Variants in SNX8 observed in about 807,000 individuals in gnomAD.
SNX8 encodes the protein sorting nexin-8.
Under a neutral mutation model 51.6 loss-of-function variants are expected in SNX8, and 25 were observed. The observed-to-expected ratio is 0.48, with a 90% CI of 0.35 to 0.68. The LOEUF (loss-of-function observed/expected upper bound fraction) is 0.68. SNX8 is among the 30% of genes least tolerant of loss of function. The pLI is 0.00. For synonymous variants in SNX8, 324 were observed against 277.0 expected, an observed-to-expected ratio of 1.17 and a Z score of -1.68; for missense variants, 695 against 624.0, an observed-to-expected ratio of 1.11 and a Z score of -1.21.
intron 2 of SNX8, among the ~76,000 whole-genome samples, chr7:2,277,564 G>T (rs530995799): frequency 2.0e-5 from 3 of 152,274 alleles, no homozygotes; most frequent in Admixed American, 6.5e-5. Flanking sequence ...ACTTTGGGAG[G>T]CCGAGGCGGG....
chr7:2,349,347 T>G (rs1001576801), intron 1 of SNX8, among the ~76,000 whole-genome samples: 1 of 152,146 alleles, frequency 6.6e-6, no homozygotes, highest in Non-Finnish European at 1.5e-5. Flanking sequence ...TCACCACCAC[T>G]ATCTCCCAAA....
chr7:2,264,532 C>T (rs1310092666), intron 5 of SNX8, 74 bp from the exon 6 acceptor site: 24 of 1,493,932 alleles, frequency 1.6e-5, no homozygotes, highest in Non-Finnish European at 2.7e-6. Flanking sequence ...CAGCCGGTCC[C>T]CCAGAAGCTG....
rs756467268 is a variant in SNX8, at chr7:2,278,054, CT to C, written c.300+45del. ...TGCCCTGAGATGTTGAGACGTGACC[CT>C]TTCTTCCCCCTCCTGCCCCGACACA... On this transcript the variant is annotated intron_variant, in intron 2 of 10. Coordinates refer to ENST00000222990, the MANE Select transcript of SNX8 (RefSeq NM_013321.4). 2.1e-5 allele frequency: 33 copies of C among 1,591,930 alleles called. No individual in the cohort carries two copies. The African/African-American group carries it at 4.2e-4, about 20-fold the overall frequency.
intron 1 of SNX8, among the ~76,000 whole-genome samples, chr7:2,290,655 C>T (rs1309306777): frequency 1.3e-5 from 2 of 152,212 alleles, no homozygotes; most frequent in Non-Finnish European, 2.9e-5. Flanking sequence ...CGAGGCAGGG[C>T]AACAGCCGCA....
At chr7:2,341,921 G>A (rs775114241) in intron 1 of SNX8, among the ~76,000 whole-genome samples, 14 of 151,624 alleles carry the variant, frequency 9.2e-5, no homozygotes, top group Admixed American at 3.3e-4. Flanking sequence ...TGCAGTGAGC[G>A]GAGATCGCAC....
chr7:2,285,026 C>T (rs992407662), intron 1 of SNX8, among the ~76,000 whole-genome samples: 2 of 151,922 alleles, frequency 1.3e-5, no homozygotes, highest in Non-Finnish European at 2.9e-5. Flanking sequence ...TCCTGGCTAA[C>T]ACGATGAAAC....
intron 2 of SNX8, among the ~76,000 whole-genome samples, chr7:2,275,494 G>A (rs1795757520): frequency 6.6e-6 from 1 of 151,754 alleles, no homozygotes; most frequent in Non-Finnish European, 1.5e-5. Context: ...GAGGTCAGGA[G>A]TTAAAGAGAC....
chr7:2,302,434 T>C (rs13238765), intron 1 of SNX8, among the ~76,000 whole-genome samples: 46,415 of 151,938 alleles, frequency 0.31, 8,815 homozygotes, highest in East Asian at 0.59. Context: ...AGTGCAGTGG[T>C]GTGATCTCGG....
At chr7:2,286,315 G>A (rs1285533489) in intron 1 of SNX8, among the ~76,000 whole-genome samples, 1 of 151,458 alleles carries the variant, frequency 6.6e-6, no homozygotes, top group Non-Finnish European at 1.5e-5. Flanking sequence ...CCCAGCCTAG[G>A]TCGTATACTT....
chr7:2,348,542 C>T (rs1490658099), intron 1 of SNX8, among the ~76,000 whole-genome samples: 2 of 151,600 alleles, frequency 1.3e-5, no homozygotes, highest in Non-Finnish European at 2.9e-5. Context: ...GGGGTTTCAC[C>T]GTGTTAGCCA....
intron 1 of SNX8, among the ~76,000 whole-genome samples, chr7:2,291,069 G>A (rs1651420068): frequency 6.6e-6 from 1 of 152,122 alleles, no homozygotes; most frequent in African/African-American, 2.4e-5. Context: ...TGAGGCTGGA[G>A]AGGATCACTT....
chr7:2,309,971 G>T lies in SNX8; in HGVS notation c.94+4357C>A, dbSNP rs752977667. ...CTCAAGGAGTCATCGCCAGGTCAACGCGGACAAACAGCACGGAGCTTCCGA... is the reference window on the plus strand; with the variant it reads ...CTCAAGGAGTCATCGCCAGGTCAACTCGGACAAACAGCACGGAGCTTCCGA... On this transcript the variant is annotated intron_variant, in intron 1 of 10. Coordinates refer to ENST00000222990, the MANE Select transcript of SNX8 (RefSeq NM_013321.4). The T allele has an allele frequency of 6.9e-4, 300 of 436,138 alleles. 3 individuals are homozygous for T. The highest frequency in any genetic ancestry group is 3.2e-4 in the Non-Finnish European group (68 of 212,940). The allele number at this position is 436,138 out of a possible 1,614,324, so 27.0% of individuals were successfully genotyped here. A position where few individuals can be genotyped will look rare whatever the true frequency, so the allele number is the denominator to read the frequency against.
intron 1 of SNX8, among the ~76,000 whole-genome samples, chr7:2,284,196 CTGGGA>C (rs1436906000): frequency 6.6e-6 from 1 of 152,092 alleles, no homozygotes; most frequent in Non-Finnish European, 1.5e-5. Flanking sequence ...TCCTATAGTG[CTGGGA>C]TGACAGGCGT....
intron 1 of SNX8, among the ~76,000 whole-genome samples, chr7:2,349,014 AT>A (rs1274114666): frequency 6.6e-6 from 1 of 150,880 alleles, no homozygotes; most frequent in African/African-American, 2.4e-5. Context: ...CAACCAAAAA[AT>A]CATGACTTTC....
upstream of SNX8, chr7:2,314,508 G>A (rs1170913575): frequency 4.8e-5 from 51 of 1,053,798 alleles, no homozygotes; most frequent in Non-Finnish European, 5.8e-5. Context: ...CCCACACCCC[G>A]CCTGGTCACG....
In SNX8 at chr7:2,257,132, C is replaced by T. The variant is rs1408630934; in HGVS notation, c.1135-109G>A. The T allele has an allele frequency of 6.0e-6, 8 of 1,326,778 alleles. No individual in the cohort carries two copies. The South Asian group carries it at 1.0e-4, about 17-fold the overall frequency. 82.2% of individuals were successfully genotyped at this position (1,326,778 alleles called of 1,614,324 possible). A position where few individuals can be genotyped will look rare whatever the true frequency, so the allele number is the denominator to read the frequency against. Reference sequence around the variant, plus strand: ...CCAGGGCGGCCCCTTCTCCTTCAGCCTTCACCAGGCATTTGGAAGGTGGCG... The same window carrying T: ...CCAGGGCGGCCCCTTCTCCTTCAGCTTTCACCAGGCATTTGGAAGGTGGCG... On this transcript the variant is annotated intron_variant, in intron 9 of 10. Coordinates refer to ENST00000222990, the MANE Select transcript of SNX8 (RefSeq NM_013321.4).
At chr7:2,312,657 C>T (rs564510862) in intron 1 of SNX8, among the ~76,000 whole-genome samples, 3 of 152,260 alleles carry the variant, frequency 2.0e-5, no homozygotes, top group South Asian at 2.1e-4. Context: ...TTCTCGCCGA[C>T]GAAGAAACTG....
At chr7:2,305,648 GC>G (rs772104264) in intron 1 of SNX8, among the ~76,000 whole-genome samples, 1 of 152,072 alleles carries the variant, frequency 6.6e-6, no homozygotes, top group Non-Finnish European at 1.5e-5. Context: ...ACAGGCGTGA[GC>G]CACCATGCCC....
At chr7:2,329,001 A>G (rs940014572) in intron 1 of SNX8, among the ~76,000 whole-genome samples, 79 of 151,590 alleles carry the variant, frequency 5.2e-4, no homozygotes, top group African/African-American at 1.9e-3. Context: ...CAGGAGAATC[A>G]TGTGAACCCG....
Sources: allele counts gnomAD v4.1 joint callset (sites outside exome capture counted in the v4.1 genomes callset), GRCh38; gene constraint gnomAD v4.1.1; transcripts MANE v1.5; gene names NCBI Gene and HGNC (gene_info 2026-07-23, HGNC 2026-07-21).